The following RASGRF1 variants were observed in gnomAD, a reference collection of about 807,000 sequenced individuals.
RASGRF1 encodes the protein ras-specific guanine nucleotide-releasing factor 1.
In RASGRF1, 40 loss-of-function variants were observed where a neutral mutation model predicts 138.7. The ratio of observed to expected loss-of-function variants is 0.29; its 90% CI spans 0.22 to 0.38. RASGRF1 has a LOEUF of 0.38. Ranked by LOEUF, RASGRF1 falls within the 10% of genes least tolerant of loss-of-function variation. RASGRF1 has a pLI of 1.00. For missense variants in RASGRF1, 1,108 were observed against 1,650.4 expected, an observed-to-expected ratio of 0.67 and a Z score of 5.69; for synonymous variants, 614 against 663.2, an observed-to-expected ratio of 0.93 and a Z score of 1.14.
chr15:79,055,009 C>G (rs1046853413), intron 3 of RASGRF1, among the ~76,000 whole-genome samples: 4 of 152,112 alleles, frequency 2.6e-5, no homozygotes, highest in Admixed American at 2.6e-4. Flanking sequence ...GCAACACTGT[C>G]ATTCCTGAAT....
At chr15:79,079,102 A>G (rs996250300) in intron 1 of RASGRF1, among the ~76,000 whole-genome samples, 17 of 152,316 alleles carry the variant, frequency 1.1e-4, no homozygotes, top group Non-Finnish European at 1.2e-4. Flanking sequence ...TAGGCCTCCA[A>G]GCTTCTGTCT....
intron 13 of RASGRF1, among the ~76,000 whole-genome samples, chr15:79,015,075 C>T (rs1436107368): frequency 6.6e-6 from 1 of 152,026 alleles, no homozygotes; most frequent in African/African-American, 2.4e-5. Context: ...AACCAAATAT[C>T]ACCTGTTCCA....
chr15:79,034,958 G>C (rs1290972656), intron 6 of RASGRF1, among the ~76,000 whole-genome samples, 173 bp downstream of exon 6: 1 of 152,218 alleles, frequency 6.6e-6, no homozygotes, highest in African/African-American at 2.4e-5. Flanking sequence ...TTTCCTCTTA[G>C]AAATACAGCA....
At chr15:79,069,822 A>C (rs1465860269) in intron 1 of RASGRF1, among the ~76,000 whole-genome samples, 2 of 152,208 alleles carry the variant, frequency 1.3e-5, no homozygotes, top group East Asian at 3.9e-4. Context: ...CCAACGTTTC[A>C]TTATGAAAAT....
chr15:79,056,858 C>T (rs79759921), intron 3 of RASGRF1, among the ~76,000 whole-genome samples: 166 of 152,262 alleles, frequency 1.1e-3, no homozygotes, highest in East Asian at 5.0e-3. Flanking sequence ...GCTCTGCATT[C>T]GGGACTTTAA....
At chr15:79,064,645 C>T in intron 1 of RASGRF1, 119 bp from the exon 2 acceptor site, 1 of 922,936 alleles carries the variant, frequency 1.1e-6, no homozygotes, top group East Asian at 2.4e-5. Context: ...GGCACAGATT[C>T]CTTGTTTGTG....
At position 79,006,123 on chromosome 15, in the gene RASGRF1, C is replaced by A; in HGVS notation, c.2075+63G>T. 8.7e-6 allele frequency: 14 copies of A among 1,605,002 alleles called. No homozygotes were observed. Among genetic ancestry groups the A allele is most frequent in the Non-Finnish European group, 1.2e-5 (14 of 1,174,046 alleles). ...AGGTCACCCCCCGGCCCCGTGCAAG[C>A]TCAGTTTTCCTCCAAGGCTTGGAAG... On this transcript the variant is annotated intron_variant, in intron 14 of 26. Coordinates refer to ENST00000558480, the MANE Select transcript of RASGRF1 (RefSeq NM_001145648.3). The surrounding 1 kb of genome is among the most constrained non-coding windows in gnomAD (Gnocchi z 4.0).
chr15:79,038,648 A>G (rs2057254856), intron 5 of RASGRF1, among the ~76,000 whole-genome samples: 1 of 152,136 alleles, frequency 6.6e-6, no homozygotes, highest in South Asian at 2.1e-4. Flanking sequence ...AAATAACTAT[A>G]TTAAGTGTAT....
chr15:79,030,387 C>T (rs553664713), intron 8 of RASGRF1, among the ~76,000 whole-genome samples: 1 of 152,340 alleles, frequency 6.6e-6, no homozygotes, highest in South Asian at 2.1e-4. Context: ...TACCCCCGGG[C>T]TCAGCTTCTG....
At chr15:78,966,842 G>A (rs191680229) in intron 26 of RASGRF1, among the ~76,000 whole-genome samples, 6 of 152,156 alleles carry the variant, frequency 3.9e-5, no homozygotes, top group East Asian at 1.9e-4. Context: ...AAGATGTGAC[G>A]TGTAAAATAC....
intron 4 of RASGRF1, among the ~76,000 whole-genome samples, chr15:79,049,051 C>T (rs1213420428): frequency 7.2e-5 from 11 of 152,110 alleles, no homozygotes; most frequent in Middle Eastern, 3.2e-3. Flanking sequence ...GCTGGACTAC[C>T]GTGCTGGGTC....
intron 1 of RASGRF1, among the ~76,000 whole-genome samples, chr15:79,068,620 A>G (rs2057712948): frequency 6.6e-6 from 1 of 150,932 alleles, no homozygotes; most frequent in Non-Finnish European, 1.5e-5. Context: ...ATATATACAC[A>G]CACACACACG....
rs144371280 is a variant in RASGRF1, at chr15:79,070,464, T to A, written c.277-5938A>T. ...GAGATAAAGAAGTGGCCTTAATAAT[T>A]GGAGGAGGACTAAGCAGGTGGAGGT... is the stretch of plus-strand genomic sequence containing the variant. On this transcript the variant is annotated intron_variant, in intron 1 of 26. Transcript: ENST00000558480. 3.6e-3 allele frequency among the ~76,000 whole-genome samples: 547 copies of A among 152,336 alleles called. 5 individuals carry two copies. Among genetic ancestry groups the A allele is most frequent in the African/African-American group, 0.012 (501 of 41,574 alleles).
At chr15:79,075,124 G>A (rs1176940994) in intron 1 of RASGRF1, among the ~76,000 whole-genome samples, 2 of 152,106 alleles carry the variant, frequency 1.3e-5, no homozygotes, top group South Asian at 2.1e-4. Context: ...TAGCATCCCC[G>A]GGTGATTCCA....
At chr15:78,972,622 G>T (rs1442529473) in intron 25 of RASGRF1, among the ~76,000 whole-genome samples, 1 of 152,126 alleles carries the variant, frequency 6.6e-6, no homozygotes, top group Non-Finnish European at 1.5e-5. Context: ...ATGAAAAGCA[G>T]CTTTCGCTCT....
At chr15:79,051,777 T>C (rs2057434144) in intron 3 of RASGRF1, among the ~76,000 whole-genome samples, 1 of 152,174 alleles carries the variant, frequency 6.6e-6, no homozygotes, top group Admixed American at 6.5e-5. Context: ...TTGGAGGCTT[T>C]ATTTAAGGAT....
In RASGRF1 at chr15:78,962,042, A is replaced by G. The variant is rs951736311; in HGVS notation, c.*102T>C. ...ACAAGGACGATTTGTATTCTTGGAG[A>G]AGCACATACTGAAGAAGAAAATCCA... On this transcript the variant is annotated 3_prime_UTR_variant, in exon 27 of 27. Transcript: ENST00000558480. The G allele has an allele frequency of 5.6e-6, 4 of 712,060 alleles. No individual in the cohort carries two copies. Among genetic ancestry groups the G allele is most frequent in the Non-Finnish European group, 9.7e-6 (4 of 410,936 alleles). 44.1% of individuals were successfully genotyped at this position (712,060 alleles called of 1,614,324 possible). A position where few individuals can be genotyped will look rare whatever the true frequency, so the allele number is the denominator to read the frequency against.
Position 78,994,926 on chromosome 15 carries a change from C to A in RASGRF1, c.3027+814G>T, listed in dbSNP as rs866600983. Among the ~76,000 whole-genome samples, 328 of 136,042 alleles carry A rather than the reference C, an allele frequency of 2.4e-3. 3 individuals carry two copies. In the South Asian group the frequency reaches 0.029, roughly 12 times the overall value. 89.2% of individuals were successfully genotyped at this position (136,042 alleles called of 152,430 possible). A position where few individuals can be genotyped will look rare whatever the true frequency, so the allele number is the denominator to read the frequency against. On this transcript the variant is annotated intron_variant, in intron 20 of 26. Coordinates refer to ENST00000558480, the MANE Select transcript of RASGRF1 (RefSeq NM_001145648.3). ...GGAGGGAGCACAACCCTTCCAGCAC[C>A]TTTTTTTTTTTTTTTTTTGAGATGG...
chr15:79,013,521 C>T (rs574305782), intron 13 of RASGRF1, among the ~76,000 whole-genome samples: 1 of 152,368 alleles, frequency 6.6e-6, no homozygotes, highest in South Asian at 2.1e-4. Flanking sequence ...GCATTAAACG[C>T]ATTACATCTG....
Sources: allele counts gnomAD v4.1 joint callset (sites outside exome capture counted in the v4.1 genomes callset), GRCh38; gene constraint gnomAD v4.1.1; non-coding constraint Gnocchi (gnomAD v3.1); transcripts MANE v1.5; gene names NCBI Gene and HGNC (gene_info 2026-07-23, HGNC 2026-07-21).